Variants in STK3 observed in about 807,000 individuals in gnomAD.
STK3 encodes serine/threonine kinase 3, also known as serine/threonine-protein kinase 3.
In STK3, 41 loss-of-function variants were observed where a neutral mutation model predicts 58.0. The ratio of observed to expected loss-of-function variants is 0.71; its 90% CI spans 0.55 to 0.92. The LOEUF is 0.92. Ranked by LOEUF, STK3 falls within the 40% of genes least tolerant of loss-of-function variation. The pLI, the probability that STK3 is intolerant of heterozygous loss-of-function variation, is 0.00. For synonymous variants in STK3, 170 were observed against 191.0 expected (o/e 0.89, Z 0.91); for missense variants, 479 against 602.7 (o/e 0.79, Z 2.15).
At chr8:98,823,096 G>A (rs191545016) in intron 1 of STK3, among the ~76,000 whole-genome samples, 23 of 152,240 alleles carry the variant, frequency 1.5e-4, no homozygotes, top group Admixed American at 3.9e-4. Flanking sequence ...CCATGGAATG[G>A]GTTTTATGGG....
chr8:98,560,544 T>C (rs1811930561), intron 8 of STK3, among the ~76,000 whole-genome samples: 1 of 152,142 alleles, frequency 6.6e-6, no homozygotes, highest in Non-Finnish European at 1.5e-5. Flanking sequence ...ATGATCTAAA[T>C]AAATTGAGAA....
chr8:98,546,366 TAA>T (rs1229531909), intron 9 of STK3, among the ~76,000 whole-genome samples: 1 of 152,150 alleles, frequency 6.6e-6, no homozygotes, highest in East Asian at 1.9e-4. Flanking sequence ...TTAGATTCTA[TAA>T]AGACTCATTT....
chr8:98,430,099 T>C (rs1341682218), intron 3 of STK3: 3 of 167,012 alleles, frequency 1.8e-5, no homozygotes, highest in African/African-American at 7.3e-5. Context: ...AGAATGTTAC[T>C]TAGTTAAACA....
chr8:98,644,950 C>T (rs1820289944), intron 6 of STK3, among the ~76,000 whole-genome samples: 1 of 152,162 alleles, frequency 6.6e-6, no homozygotes, highest in Non-Finnish European at 1.5e-5. Context: ...TGTCTCTTTC[C>T]CGGTCCACAT....
At chr8:98,923,827 A>ATG (rs1839663527) in intron 1 of STK3, among the ~76,000 whole-genome samples, 1 of 129,526 alleles carries the variant, frequency 7.7e-6, no homozygotes, top group African/African-American at 3.2e-5. Flanking sequence ...TTTTGCAAAA[A>ATG]CGTGTGTGTG....
intron 1 of STK3, among the ~76,000 whole-genome samples, chr8:98,891,309 G>A (rs1265133754): frequency 1.3e-5 from 2 of 152,196 alleles, no homozygotes; most frequent in African/African-American, 2.4e-5. Flanking sequence ...AGGCAGACCA[G>A]GTGCACTTAT....
rs145117358 is a variant in STK3, at chr8:98,936,458, A to G, written c.-79+5920T>C. ...TACCACAAGGCCTACCATACCAAAC[A>G]TCCTCAATAAATGTACATTAAATGA... On this transcript the variant is annotated intron_variant, in intron 1 of 1. Transcript: ENST00000519420. 6.0e-3 allele frequency among the ~76,000 whole-genome samples: 911 copies of G among 152,278 alleles called. 12 individuals carry two copies. Among genetic ancestry groups the G allele is most frequent in the African/African-American group, 0.021 (867 of 41,550 alleles).
intron 4 of STK3, among the ~76,000 whole-genome samples, chr8:98,713,157 C>T (rs2131125374): frequency 6.6e-6 from 1 of 152,258 alleles, no homozygotes; most frequent in Non-Finnish European, 1.5e-5. Context: ...AAATTTATAG[C>T]ACTAAATACC....
chr8:98,817,833 C>A (rs1834652151), intron 1 of STK3, among the ~76,000 whole-genome samples: 1 of 152,140 alleles, frequency 6.6e-6, no homozygotes, highest in African/African-American at 2.4e-5. Context: ...TTATTCTTAA[C>A]CCTCTACAAT....
chr8:98,480,073 G>GT (rs1335742015), intron 10 of STK3, among the ~76,000 whole-genome samples: 2 of 151,896 alleles, frequency 1.3e-5, no homozygotes, highest in Non-Finnish European at 2.9e-5. Flanking sequence ...AAAAGAAAGT[G>GT]TTTCAGGACC....
At chr8:98,427,950 CG>C in intron 3 of STK3, 1 of 1,470,544 alleles carries the variant, frequency 6.8e-7, no homozygotes, top group Non-Finnish European at 9.1e-7. Context: ...GTAGCGCCCC[CG>C]CGCGGCGCGG....
At chr8:98,580,495 G>C (rs1421873628) in intron 7 of STK3, among the ~76,000 whole-genome samples, 1 of 152,182 alleles carries the variant, frequency 6.6e-6, no homozygotes, top group Non-Finnish European at 1.5e-5. Flanking sequence ...AGAGTGAAAG[G>C]TTATAATTTT....
intron 6 of STK3, among the ~76,000 whole-genome samples, chr8:98,697,756 C>G (rs1460013753): frequency 6.6e-6 from 1 of 152,118 alleles, no homozygotes. Flanking sequence ...TTTACATTTG[C>G]TGAGGAGAGC....
At chr8:98,826,155 C>G (rs1835292326), upstream of STK3, among the ~76,000 whole-genome samples, 1 of 152,214 alleles carries the variant, frequency 6.6e-6, no homozygotes, top group Admixed American at 6.5e-5. Flanking sequence ...AGCCTGCCCT[C>G]ACTACGGTTT....
intron 7 of STK3, among the ~76,000 whole-genome samples, chr8:98,587,093 T>C (rs1210762605): frequency 1.3e-5 from 2 of 152,132 alleles, no homozygotes; most frequent in African/African-American, 4.8e-5. Flanking sequence ...GTGTCTCTGT[T>C]TCCTTCAGTT....
At chr8:98,783,904 G>A (rs201084920) in intron 1 of STK3, among the ~76,000 whole-genome samples, 1 of 152,158 alleles carries the variant, frequency 6.6e-6, no homozygotes. Flanking sequence ...CACTGGAATC[G>A]TGACAGACAC....
chr8:98,415,896 C>G lies in STK3; in HGVS notation n.484-14383G>C, dbSNP rs1011702035. On this transcript the variant is annotated intron_variant and non_coding_transcript_variant, in intron 3 of 3. Coordinates refer to the STK3 transcript ENST00000517832. ...GTAAGAGAGACTCTGCCATAGGAGA[C>G]AGCCAGTCCCCCTCAAATCTCAGTG... Among the ~76,000 whole-genome samples the G allele has an allele frequency of 4.6e-5, 7 of 152,192 alleles. No homozygotes were observed. The East Asian group carries it at 1.3e-3, about 29-fold the overall frequency.
the STK3 span, among the ~76,000 whole-genome samples, chr8:98,360,963 T>C: frequency 6.6e-6 from 1 of 152,198 alleles, no homozygotes; most frequent in East Asian, 1.9e-4. Flanking sequence ...CAGTTCACTC[T>C]CTTCAACCTT....
At chr8:98,655,693 C>T (rs1821433422) in intron 6 of STK3, among the ~76,000 whole-genome samples, 1 of 151,846 alleles carries the variant, frequency 6.6e-6, no homozygotes, top group Non-Finnish European at 1.5e-5. Context: ...ACAGACACTT[C>T]TCAAAAGAAG....
Sources: allele counts gnomAD v4.1 joint callset (sites outside exome capture counted in the v4.1 genomes callset), GRCh38; gene constraint gnomAD v4.1.1; transcripts MANE v1.5; gene names NCBI Gene and HGNC (gene_info 2026-07-23, HGNC 2026-07-21).